Variants in RABGEF1 observed in about 807,000 individuals in gnomAD.
RABGEF1 encodes rab5 GDP/GTP exchange factor.
Under a neutral mutation model 57.3 loss-of-function variants are expected in RABGEF1, and 26 were observed. The ratio of observed to expected loss-of-function variants is 0.45; its 90% confidence interval spans 0.33 to 0.63. The LOEUF (loss-of-function observed/expected upper bound fraction) is 0.63, where lower values mean the gene tolerates loss of function less well. RABGEF1 is among the 20% of genes least tolerant of loss of function. The pLI is 0.02. For missense variants in RABGEF1, 464 were observed against 607.6 expected (o/e 0.76, Z 2.48); for synonymous variants, 185 against 210.7 (o/e 0.88, Z 1.06).
At chr7:66,658,791 A>G in the RABGEF1 span, among the ~76,000 whole-genome samples, 1 of 152,188 alleles carries the variant, frequency 6.6e-6, no homozygotes, top group East Asian at 2.0e-4. Context: ...GCTAGAGTGC[A>G]GTGGCGCGAT....
chr7:66,741,554 T>C (rs1177327477), intron 1 of RABGEF1, among the ~76,000 whole-genome samples: 2 of 151,934 alleles, frequency 1.3e-5, no homozygotes, highest in Non-Finnish European at 2.9e-5. Flanking sequence ...GGTTGGGAAA[T>C]GTGTCGTGGG....
At chr7:66,782,424 C>T (rs960383615) in intron 3 of RABGEF1, among the ~76,000 whole-genome samples, 1 of 151,438 alleles carries the variant, frequency 6.6e-6, no homozygotes, top group Non-Finnish European at 1.5e-5. Flanking sequence ...ATCCCACTAC[C>T]CCCTATTTTA....
chr7:66,792,451 G>A (rs1812938883), intron 4 of RABGEF1, among the ~76,000 whole-genome samples: 1 of 152,184 alleles, frequency 6.6e-6, no homozygotes, highest in Non-Finnish European at 1.5e-5. Context: ...ATTTGCATTT[G>A]TGCTTATCCC....
At chr7:66,661,078 G>A in the RABGEF1 span, among the ~76,000 whole-genome samples, 2 of 152,018 alleles carry the variant, frequency 1.3e-5, no homozygotes, top group Admixed American at 1.3e-4. Context: ...GGGAGGCCAA[G>A]GCGGGTGGAT....
the RABGEF1 span, among the ~76,000 whole-genome samples, chr7:66,663,314 C>T: frequency 6.6e-6 from 1 of 152,160 alleles, no homozygotes; most frequent in African/African-American, 2.4e-5. Flanking sequence ...CCCTGATTTC[C>T]CACTTCACGC....
intron 8 of RABGEF1, 26 bp from the exon 9 acceptor site, chr7:66,808,860 A>G: frequency 6.6e-7 from 1 of 1,507,726 alleles, no homozygotes; most frequent in Non-Finnish European, 9.0e-7. Context: ...TCCTAATATG[A>G]CTGTATTAAC....
the RABGEF1 span, among the ~76,000 whole-genome samples, chr7:66,675,698 G>A: frequency 2.6e-5 from 4 of 152,082 alleles, no homozygotes; most frequent in East Asian, 1.9e-4. Context: ...CAGCATAGAC[G>A]AAAACTGTTA....
chr7:66,657,889 C>G, the RABGEF1 span, among the ~76,000 whole-genome samples: 2 of 151,978 alleles, frequency 1.3e-5, no homozygotes, highest in African/African-American at 4.8e-5. Context: ...ACTATACCCT[C>G]TAAAGGATCT....
chr7:66,661,215 C>T, the RABGEF1 span, among the ~76,000 whole-genome samples: 4 of 142,502 alleles, frequency 2.8e-5, no homozygotes, highest in East Asian at 6.2e-4. Flanking sequence ...AGGAGAATGG[C>T]GTAAACCCAG....
At chr7:66,710,488 T>G (rs1345217591) in intron 1 of RABGEF1, among the ~76,000 whole-genome samples, 1 of 152,264 alleles carries the variant, frequency 6.6e-6, no homozygotes, top group Non-Finnish European at 1.5e-5. Flanking sequence ...TGTACCATTT[T>G]GCGCTCCCTC....
chr7:66,690,122 G>A (rs527741045), intron 1 of RABGEF1, among the ~76,000 whole-genome samples: 142 of 127,048 alleles, frequency 1.1e-3, no homozygotes, highest in African/African-American at 4.1e-3. Context: ...TTTTTTTTGA[G>A]ACGGAGTCTC....
intron 1 of RABGEF1, among the ~76,000 whole-genome samples, chr7:66,747,772 A>G (rs2129056970): frequency 6.6e-6 from 1 of 152,344 alleles, no homozygotes; most frequent in South Asian, 2.1e-4. Flanking sequence ...ATGTTTATTA[A>G]TCGAAGAAAA....
At chr7:66,728,516 A>C (rs1397442996) in intron 2 of RABGEF1, among the ~76,000 whole-genome samples, 1 of 137,840 alleles carries the variant, frequency 7.3e-6, no homozygotes, top group African/African-American at 2.7e-5. Flanking sequence ...TGGCATTCCC[A>C]TTTCACCATT....
chr7:66,777,458 AAT>A (rs1178961359), intron 3 of RABGEF1, among the ~76,000 whole-genome samples: 3 of 151,228 alleles, frequency 2.0e-5, no homozygotes, highest in Non-Finnish European at 2.9e-5. Flanking sequence ...TATCATAAAT[AAT>A]ATATATATAT....
intron 1 of RABGEF1, among the ~76,000 whole-genome samples, chr7:66,695,902 G>A (rs541857227): frequency 1.3e-5 from 2 of 151,944 alleles, no homozygotes; most frequent in East Asian, 3.9e-4. Context: ...GGAGTCGGAG[G>A]TTGCAGTGAG....
At chr7:66,695,428 C>T (rs867388043) in intron 1 of RABGEF1, among the ~76,000 whole-genome samples, 13 of 152,140 alleles carry the variant, frequency 8.5e-5, no homozygotes, top group African/African-American at 2.9e-4. Context: ...GAAGAGAGAC[C>T]GTCATGGGCA....
intron 1 of RABGEF1, among the ~76,000 whole-genome samples, chr7:66,702,132 A>G (rs1252218518): frequency 3.9e-5 from 6 of 152,200 alleles, no homozygotes; most frequent in African/African-American, 1.4e-4. Context: ...TTGGATATTC[A>G]TATTAATAGA....
intron 1 of RABGEF1, among the ~76,000 whole-genome samples, chr7:66,688,432 A>T: frequency 6.6e-6 from 1 of 152,344 alleles, no homozygotes; most frequent in East Asian, 1.9e-4. Context: ...ACATTTACAG[A>T]TACCCACCCA....
In RABGEF1 at chr7:66,808,876, C is replaced by G. The variant is rs766118419; in HGVS notation, c.1078-10C>G. ...CCTAATATGACTGTATTAACGTCCT[C>G]TTCTTGTAGTGCTGTGCTGTGGCTT... On this transcript the variant is annotated splice_polypyrimidine_tract_variant and intron_variant, in intron 8 of 8. Transcript: ENST00000284957. The G allele has an allele frequency of 6.4e-7, 1 of 1,557,468 alleles. No homozygotes were observed. Among genetic ancestry groups the G allele is most frequent in the East Asian group, 2.2e-5 (1 of 44,466 alleles).
Sources: allele counts gnomAD v4.1 joint callset (sites outside exome capture counted in the v4.1 genomes callset), GRCh38; gene constraint gnomAD v4.1.1; transcripts MANE v1.5; gene names NCBI Gene and HGNC (gene_info 2026-07-23, HGNC 2026-07-21).